PCDH9: variants seen among roughly 807,000 people sequenced by gnomAD.
The protein encoded by PCDH9 is protocadherin-9.
PCDH9 carries 24 observed loss-of-function variants against 70.6 expected under a neutral mutation model. The ratio of observed to expected loss-of-function variants is 0.34; its 90% CI spans 0.25 to 0.48. PCDH9 has a LOEUF of 0.48. Among genes scored for constraint, PCDH9 ranks in the 20% least tolerant of loss-of-function variants. The pLI, the probability that PCDH9 is intolerant of heterozygous loss-of-function variation, is 0.99. For synonymous variants in PCDH9, 562 were observed against 558.5 expected (o/e 1.01, Z -0.09); for missense variants, 1,281 against 1,503.6 (o/e 0.85, Z 2.45).
chr13:66,799,219 A>C (rs962767799), intron 3 of PCDH9, among the ~76,000 whole-genome samples: 11 of 152,172 alleles, frequency 7.2e-5, no homozygotes, highest in Non-Finnish European at 1.6e-4. Context: ...TTATGTCCAC[A>C]TATTGCTTTT....
At chr13:66,411,625 T>C (rs923156776) in intron 4 of PCDH9, among the ~76,000 whole-genome samples, 16 of 150,728 alleles carry the variant, frequency 1.1e-4, no homozygotes, top group African/African-American at 4.0e-4. Context: ...TCACTGAAGA[T>C]AGACAGATAT....
At chr13:66,984,454 G>C (rs1224183705) in intron 2 of PCDH9, among the ~76,000 whole-genome samples, 1 of 152,134 alleles carries the variant, frequency 6.6e-6, no homozygotes, top group Admixed American at 6.6e-5. Flanking sequence ...CTGCCTGAGT[G>C]CTCTGATGAT....
At chr13:67,196,589 C>T (rs1294794398) in intron 2 of PCDH9, among the ~76,000 whole-genome samples, 4 of 152,014 alleles carry the variant, frequency 2.6e-5, no homozygotes, top group African/African-American at 7.2e-5. Flanking sequence ...ATGACAAATA[C>T]TATTAAATAT....
At chr13:67,178,690 T>C (rs1467763210) in intron 2 of PCDH9, among the ~76,000 whole-genome samples, 1 of 152,120 alleles carries the variant, frequency 6.6e-6, no homozygotes, top group African/African-American at 2.4e-5. Context: ...TGAATCACCT[T>C]TCCCCTTTTC....
chr13:66,532,386 A>G (rs1960506111), intron 4 of PCDH9, among the ~76,000 whole-genome samples: 1 of 152,154 alleles, frequency 6.6e-6, no homozygotes, highest in Non-Finnish European at 1.5e-5. Context: ...CTAAATAAGG[A>G]TTGGAAAACA....
At chr13:66,958,167 G>T (rs764626528) in intron 2 of PCDH9, among the ~76,000 whole-genome samples, 1 of 152,098 alleles carries the variant, frequency 6.6e-6, no homozygotes, top group Non-Finnish European at 1.5e-5. Context: ...TGAATTTGAC[G>T]GAGCGTACAA....
At chr13:67,063,986 T>C (rs1036779397) in intron 2 of PCDH9, among the ~76,000 whole-genome samples, 3 of 152,180 alleles carry the variant, frequency 2.0e-5, no homozygotes, top group Non-Finnish European at 4.4e-5. Context: ...AAAAAAGAAA[T>C]AGGATACTCC....
intron 2 of PCDH9, among the ~76,000 whole-genome samples, chr13:67,107,529 A>C (rs2086572018): frequency 6.6e-6 from 1 of 152,122 alleles, no homozygotes; most frequent in African/African-American, 2.4e-5. Context: ...GAAAGGCACT[A>C]CCCACTGCAG....
intron 2 of PCDH9, among the ~76,000 whole-genome samples, chr13:66,950,680 C>T (rs1442339959): frequency 6.6e-6 from 1 of 152,090 alleles, no homozygotes; most frequent in East Asian, 1.9e-4. Context: ...TAGGTATCTA[C>T]ACACAGAAAA....
intron 3 of PCDH9, among the ~76,000 whole-genome samples, chr13:66,729,573 T>C (rs535836373): frequency 5.9e-5 from 9 of 152,266 alleles, no homozygotes; most frequent in Admixed American, 4.6e-4. Flanking sequence ...GTTTTAGCCT[T>C]TATTTTCAGC....
At chr13:66,428,485 A>C (rs1593963727) in intron 4 of PCDH9, among the ~76,000 whole-genome samples, 2 of 151,774 alleles carry the variant, frequency 1.3e-5, no homozygotes, top group African/African-American at 4.8e-5. Context: ...CTCAAGACAG[A>C]CATTAGAGCT....
At chr13:67,161,622 A>AT (rs577012433) in intron 2 of PCDH9, among the ~76,000 whole-genome samples, 13 of 152,296 alleles carry the variant, frequency 8.5e-5, no homozygotes, top group East Asian at 1.9e-4. Context: ...ATGCAGATCT[A>AT]TTTTTTGTGG....
rs78136980 is a variant in PCDH9, at chr13:66,631,884, C to G, written c.3139-473G>C. Reference sequence around the variant, plus strand: ...CAACATATTTCCTACAGTACCACCTCCTTTTTGTTTGTTTGTTTGTTTGTT... The same window carrying G: ...CAACATATTTCCTACAGTACCACCTGCTTTTTGTTTGTTTGTTTGTTTGTT... On this transcript the variant is annotated intron_variant, in intron 3 of 4. Coordinates refer to ENST00000377865, the MANE Select transcript of PCDH9 (RefSeq NM_203487.3). Among the ~76,000 whole-genome samples the G allele has an allele frequency of 4.2e-3, 636 of 152,078 alleles. 19 individuals carry two copies. The East Asian group carries it at 0.08, about 19-fold the overall frequency.
In PCDH9 at chr13:67,146,578, T is replaced by C. The variant is rs1362855988; in HGVS notation, c.3036+78827A>G. ...CTTGAAAAATTATCTGCTCAGTAAA[T>C]TTTGTAAAGTGCACAAAAATATGCA... On this transcript the variant is annotated intron_variant, in intron 2 of 4. Coordinates refer to ENST00000377865, the MANE Select transcript of PCDH9 (RefSeq NM_203487.3). Among the ~76,000 whole-genome samples the C allele has an allele frequency of 2.0e-5, 3 of 152,196 alleles. No homozygotes were observed. The East Asian group carries it at 5.8e-4, about 29-fold the overall frequency.
chr13:66,464,342 A>T (rs933814412), intron 4 of PCDH9, among the ~76,000 whole-genome samples: 1 of 151,864 alleles, frequency 6.6e-6, no homozygotes, highest in African/African-American at 2.4e-5. Context: ...AGGCTTCAGA[A>T]GCATTATGTA....
chr13:66,827,225 C>G (rs1033955077), intron 3 of PCDH9, among the ~76,000 whole-genome samples: 1 of 152,030 alleles, frequency 6.6e-6, no homozygotes, highest in African/African-American at 2.4e-5. Flanking sequence ...CTGCTGATAT[C>G]TTGATCTTAG....
intron 4 of PCDH9, among the ~76,000 whole-genome samples, chr13:66,485,927 C>T (rs982180876): frequency 6.6e-6 from 1 of 151,876 alleles, no homozygotes; most frequent in African/African-American, 2.4e-5. Flanking sequence ...GGGGTTTCAC[C>T]ATGTTGGCCA....
chr13:66,697,200 CA>C (rs2078575187), intron 3 of PCDH9, among the ~76,000 whole-genome samples: 1 of 152,100 alleles, frequency 6.6e-6, no homozygotes, highest in Non-Finnish European at 1.5e-5. Flanking sequence ...GCTTGGAAAT[CA>C]CAACTTAATA....
chr13:66,396,528 C>T (rs1222033123), intron 4 of PCDH9, among the ~76,000 whole-genome samples: 3 of 152,110 alleles, frequency 2.0e-5, no homozygotes, highest in Admixed American at 6.5e-5. Flanking sequence ...TCATTACATC[C>T]CCCAATGCTT....
Sources: allele counts gnomAD v4.1 joint callset (sites outside exome capture counted in the v4.1 genomes callset), GRCh38; gene constraint gnomAD v4.1.1; transcripts MANE v1.5; gene names NCBI Gene and HGNC (gene_info 2026-07-23, HGNC 2026-07-21).